Variants in NF2 observed in about 807,000 individuals in gnomAD.
NF2 encodes the protein NF2, moesin-ezrin-radixin like (MERLIN) tumor suppressor.
Under a neutral mutation model 83.7 loss-of-function variants are expected in NF2, and 8 were observed. That is an observed-to-expected ratio of 0.10 (90% CI 0.06 to 0.17). NF2 has a LOEUF of 0.17. Among genes scored for constraint, NF2 ranks in the 10% least tolerant of loss-of-function variants. NF2 has a pLI of 1.00. For missense variants in NF2, 533 were observed against 744.4 expected (o/e 0.72, Z 3.31); for synonymous variants, 266 against 269.6 (o/e 0.99, Z 0.13).
intron 7 of NF2, among the ~76,000 whole-genome samples, chr22:29,658,617 A>T (rs997800221): frequency 2.2e-5 from 1 of 45,686 alleles, no homozygotes; most frequent in African/African-American, 8.6e-5. Context: ...CACACACCCC[A>T]CCCCCATCCC....
chr22:29,649,752 A>T (rs1308037755), intron 4 of NF2, among the ~76,000 whole-genome samples: 1 of 151,560 alleles, frequency 6.6e-6, no homozygotes, highest in Non-Finnish European at 1.5e-5. Context: ...GAAAAATAAA[A>T]TAAAAATAAA....
chr22:29,620,241 AAG>A (rs2065182060), intron 1 of NF2, among the ~76,000 whole-genome samples: 1 of 151,914 alleles, frequency 6.6e-6, no homozygotes, highest in Non-Finnish European at 1.5e-5. Flanking sequence ...CCTGGGCGAC[AAG>A]AGCGAGACTC....
At chr22:29,651,803 G>A (rs2066155086) in intron 4 of NF2, among the ~76,000 whole-genome samples, 2 of 152,200 alleles carry the variant, frequency 1.3e-5, no homozygotes, top group African/African-American at 4.8e-5. Context: ...AATCTTGCAT[G>A]CCTTTGGAAC....
chr22:29,664,130 TA>T (rs2066550081), intron 8 of NF2, among the ~76,000 whole-genome samples: 1 of 152,152 alleles, frequency 6.6e-6, no homozygotes, highest in African/African-American at 2.4e-5. Context: ...TTTTTTGAGA[TA>T]GGGGTCTGCT....
At chr22:29,644,694 G>A (rs955490278) in intron 4 of NF2, among the ~76,000 whole-genome samples, 27 of 152,186 alleles carry the variant, frequency 1.8e-4, no homozygotes, top group African/African-American at 5.5e-4. Context: ...CGAGGCTGGC[G>A]GATCACTCGC....
intron 9 of NF2, among the ~76,000 whole-genome samples, chr22:29,665,617 T>G (rs115526924): frequency 3.6e-3 from 540 of 152,082 alleles, no homozygotes; most frequent in African/African-American, 0.013. Flanking sequence ...ACATATGAAT[T>G]ATAAAGAATA....
At chr22:29,628,055 A>T (rs1167881393) in intron 1 of NF2, among the ~76,000 whole-genome samples, 1 of 152,194 alleles carries the variant, frequency 6.6e-6, no homozygotes, top group East Asian at 1.9e-4. Context: ...ATTATCATCA[A>T]CATCGTCAAC....
chr22:29,656,359 C>T (rs1182241167), intron 6 of NF2, among the ~76,000 whole-genome samples: 2 of 148,940 alleles, frequency 1.3e-5, no homozygotes, highest in African/African-American at 4.9e-5. Context: ...CTGCAGTGCA[C>T]AATCTTTTAT....
chr22:29,611,795 G>A (rs2064959295), intron 1 of NF2, among the ~76,000 whole-genome samples: 1 of 152,046 alleles, frequency 6.6e-6, no homozygotes. Context: ...AAGGTTATAG[G>A]ATACAAGATC....
chr22:29,655,354 G>A (rs533834359), intron 5 of NF2, among the ~76,000 whole-genome samples: 2 of 152,290 alleles, frequency 1.3e-5, no homozygotes, highest in East Asian at 3.9e-4. Context: ...GGCAGGGACA[G>A]GGGCACTGCC....
intron 1 of NF2, among the ~76,000 whole-genome samples, chr22:29,623,010 GTGCTATCACAGCTCAC>G (rs1014750031): frequency 6.8e-6 from 1 of 146,604 alleles, no homozygotes; most frequent in African/African-American, 2.6e-5. Flanking sequence ...GAGTGCAGTG[GTGCTATCACAGCTCAC>G]TACAGACTTG....
chr22:29,616,406 CAG>C (rs2065082697), intron 1 of NF2, among the ~76,000 whole-genome samples: 1 of 152,096 alleles, frequency 6.6e-6, no homozygotes, highest in South Asian at 2.1e-4. Context: ...TTTATGGACA[CAG>C]AAATTTGAAT....
At chr22:29,614,356 C>T (rs1303504804) in intron 1 of NF2, among the ~76,000 whole-genome samples, 1 of 151,696 alleles carries the variant, frequency 6.6e-6, no homozygotes, top group Non-Finnish European at 1.5e-5. Flanking sequence ...AGGTGGGTGG[C>T]TCACGAGGTC....
rs1346860299 is a variant in NF2 at position 29,655,598 on chromosome 22, T to C, written c.521T>C (p.Ile174Thr). ...TTTTGCTCTATTTTTTGGTAGGTAA[T>C]AAATCTGTATCAGATGACTCCGGAA... The part of the protein sequence containing the change: ...AQEELLPKRV[I>T]NLYQMTPEMW... Residue 174 changes from isoleucine (I) to threonine (T), a missense_variant, in exon 6 of 16, where the codon ATA becomes ACA. Ile to Thr is a moderately conservative substitution (Grantham distance 89). This residue lies in a region of NF2 where 326 missense variants were observed against 475.1 expected (regional missense o/e 0.69). Coordinates refer to ENST00000338641, the MANE Select transcript of NF2 (RefSeq NM_000268.4). The C allele has an allele frequency of 6.2e-7, 1 of 1,613,288 alleles. No individual in the cohort carries two copies. The highest frequency in any genetic ancestry group is 8.5e-7 in the Non-Finnish European group (1 of 1,179,386).
chr22:29,631,277 A>G (rs2065504140), intron 1 of NF2, among the ~76,000 whole-genome samples: 1 of 152,058 alleles, frequency 6.6e-6, no homozygotes, highest in Admixed American at 6.6e-5. Flanking sequence ...TGACCTCCCT[A>G]TTGTCAGCCC....
intron 7 of NF2, among the ~76,000 whole-genome samples, chr22:29,659,188 G>C (rs2066405059): frequency 1.3e-5 from 2 of 152,154 alleles, no homozygotes; most frequent in African/African-American, 4.8e-5. Context: ...AGTTCTGTCA[G>C]TTTGTATTTG....
chr22:29,662,270 C>T (rs1351927868), intron 8 of NF2, among the ~76,000 whole-genome samples: 1 of 152,152 alleles, frequency 6.6e-6, no homozygotes, highest in African/African-American at 2.4e-5. Flanking sequence ...AGGTAACAGA[C>T]TACAGGCGTG....
intron 1 of NF2, among the ~76,000 whole-genome samples, chr22:29,615,650 C>T (rs1040644397): frequency 2.0e-5 from 3 of 152,194 alleles, no homozygotes; most frequent in Admixed American, 1.3e-4. Context: ...TGGTAGGATT[C>T]CTTGAGCCCA....
Position 29,622,686 on chromosome 22 carries a change from C to T in NF2, c.115-14065C>T, listed in dbSNP as rs542165864. On this transcript the variant is annotated intron_variant, in intron 1 of 15. Coordinates refer to ENST00000338641, the MANE Select transcript of NF2 (RefSeq NM_000268.4). ...TTTTTTTTTTTTTGAGACAGAGACT[C>T]GCTCTGTCGCCCAGGCTGGAGTGCA... 7.7e-3 allele frequency among the ~76,000 whole-genome samples: 905 copies of T among 118,210 alleles called. 13 individuals are homozygous for T. The highest frequency in any genetic ancestry group is 0.027 in the African/African-American group (862 of 31,388). The allele number at this position is 118,210 out of a possible 152,430, so 77.6% of individuals were successfully genotyped here. A position where few individuals can be genotyped will look rare whatever the true frequency, so the allele number is the denominator to read the frequency against.
Sources: gnomAD v4.1 joint callset for allele counts (sites outside exome capture counted in the v4.1 genomes callset) on GRCh38, gnomAD v4.1.1 for gene constraint, gnomAD v4.1.1 regional missense constraint, MANE v1.5 for transcripts, NCBI Gene and HGNC (gene_info 2026-07-23, HGNC 2026-07-21) for gene names.